Variants in ARHGAP25 observed in about 807,000 individuals in gnomAD.
ARHGAP25 encodes Rho GTPase activating protein 25, also known as rho GTPase-activating protein 25.
In ARHGAP25, 34 loss-of-function variants were observed where a neutral mutation model predicts 71.0. The observed-to-expected ratio is 0.48, with a 90% confidence interval of 0.36 to 0.64. The LOEUF (loss-of-function observed/expected upper bound fraction) is 0.64. ARHGAP25 is among the 30% of genes least tolerant of loss of function. The probability of loss-of-function intolerance (pLI) is 0.00; values close to 1 mark genes in which losing one functional copy is unlikely to be tolerated. For missense variants in ARHGAP25, 706 were observed against 805.1 expected, an observed-to-expected ratio of 0.88 and a Z score of 1.49; for synonymous variants, 282 against 296.5, an observed-to-expected ratio of 0.95 and a Z score of 0.50.
At chr2:68,809,186 C>G (rs1680594160) in intron 5 of ARHGAP25, among the ~76,000 whole-genome samples, 1 of 152,024 alleles carries the variant, frequency 6.6e-6, no homozygotes, top group South Asian at 2.1e-4. Flanking sequence ...TTCTGAAAAC[C>G]CTCTTTTCCC....
chr2:68,744,639 G>A (rs888740459), intron 1 of ARHGAP25, among the ~76,000 whole-genome samples: 2 of 152,140 alleles, frequency 1.3e-5, no homozygotes, highest in African/African-American at 4.8e-5. Flanking sequence ...TTGAGCCATA[G>A]CCCCTAGATA....
In ARHGAP25 at chr2:68,824,756, G is replaced by GA. The variant is rs111728961; in HGVS notation, c.1734-1221dup. ...GACTCCGTCTCAAAAAAAACAAAAGGAAAAAAAAAAGATGGAATGAGATCA... is the reference window on the plus strand; with the variant it reads ...GACTCCGTCTCAAAAAAAACAAAAGGAAAAAAAAAAAGATGGAATGAGATCA... On this transcript the variant is annotated intron_variant, in intron 10 of 10. Coordinates refer to ENST00000409202, the MANE Select transcript of ARHGAP25 (RefSeq NM_001007231.3). Among the ~76,000 whole-genome samples, 854 of 149,054 alleles carry GA rather than the reference G, an allele frequency of 5.7e-3. 9 individuals carry two copies. The highest frequency in any genetic ancestry group is 0.019 in the African/African-American group (778 of 40,664).
chr2:68,806,962 C>T (rs896293688), intron 4 of ARHGAP25, among the ~76,000 whole-genome samples: 18 of 152,192 alleles, frequency 1.2e-4, no homozygotes, highest in Admixed American at 4.6e-4. Context: ...TTAATACCAT[C>T]TCATGGGGTT....
At chr2:68,735,642 A>G (rs1675174477) in intron 1 of ARHGAP25, 1 of 209,644 alleles carries the variant, frequency 4.8e-6, no homozygotes, top group Non-Finnish European at 9.5e-6. Flanking sequence ...TGAAGTGCTC[A>G]ATCTGTAAGT....
chr2:68,742,721 C>A, intron 1 of ARHGAP25, among the ~76,000 whole-genome samples: 1 of 152,160 alleles, frequency 6.6e-6, no homozygotes, highest in East Asian at 1.9e-4. Flanking sequence ...TTTTGTTTGT[C>A]TTGATTAGGT....
At chr2:68,787,731 A>G in intron 3 of ARHGAP25, 109 bp from the exon 4 acceptor site, 1 of 821,730 alleles carries the variant, frequency 1.2e-6, no homozygotes, top group South Asian at 1.4e-5. Context: ...TTTGGCTGGT[A>G]GTGCTTCATT....
intron 4 of ARHGAP25, among the ~76,000 whole-genome samples, chr2:68,806,196 G>A (rs1259710046): frequency 6.6e-6 from 1 of 152,154 alleles, no homozygotes; most frequent in East Asian, 1.9e-4. Context: ...TTTGTCCTAA[G>A]GAAATAGTTC....
In ARHGAP25 at chr2:68,819,227, G is replaced by C. The variant is rs764317075; in HGVS notation, c.1108G>C (p.Asp370His). 4 of 1,614,114 alleles carry C rather than the reference G, an allele frequency of 2.5e-6. No homozygotes were observed. The South Asian group carries it at 4.4e-5, about 18-fold the overall frequency. The change falls in exon 9 of 11, where the codon GAC becomes CAC. Residue 370 changes from aspartate to histidine, a missense_variant. Asp to His is a moderately conservative substitution (Grantham distance 81). Coordinates refer to ENST00000409202, the MANE Select transcript of ARHGAP25 (RefSeq NM_001007231.3). ...CCTGTCACCCCCTGCCCAGAAAAATGACCCCAAGAAAGCTCCAGTGGCCCG... is the reference window on the plus strand; with the variant it reads ...CCTGTCACCCCCTGCCCAGAAAAATCACCCCAAGAAAGCTCCAGTGGCCCG... ...IPLSPPAQKN[D>H]PKKAPVARSS...
intron 1 of ARHGAP25, among the ~76,000 whole-genome samples, chr2:68,768,158 A>G (rs553352741): frequency 1.3e-5 from 2 of 152,250 alleles, no homozygotes; most frequent in Non-Finnish European, 2.9e-5. Context: ...TCCTGGTCTG[A>G]AAAATGAGGG....
chr2:68,779,260 T>C (rs1307697863), intron 2 of ARHGAP25, among the ~76,000 whole-genome samples: 1 of 152,164 alleles, frequency 6.6e-6, no homozygotes, highest in Non-Finnish European at 1.5e-5. Flanking sequence ...TGATGCAAGC[T>C]ACCAACATTA....
intron 1 of ARHGAP25, among the ~76,000 whole-genome samples, chr2:68,758,855 C>G (rs550228060): frequency 1.1e-4 from 16 of 151,946 alleles, no homozygotes; most frequent in Admixed American, 2.6e-4. Context: ...TATATTAGGA[C>G]ACAATTTAAG....
intron 3 of ARHGAP25, among the ~76,000 whole-genome samples, chr2:68,783,017 C>T (rs749902372): frequency 6.6e-6 from 1 of 152,218 alleles, no homozygotes; most frequent in African/African-American, 2.4e-5. Flanking sequence ...CTGTACTGAC[C>T]ACAGCGGAGG....
At position 68,790,963 on chromosome 2, in the gene ARHGAP25, C is replaced by T. The variant is rs543606150; in HGVS notation, c.466+3007C>T. 3.3e-5 allele frequency among the ~76,000 whole-genome samples: 5 copies of T among 152,314 alleles called. No individual in the cohort carries two copies. In the South Asian group the frequency reaches 1.0e-3, roughly 32 times the overall value. On this transcript the variant is annotated intron_variant, in intron 4 of 10. Transcript: ENST00000409202. Reference sequence around the variant, plus strand: ...CGTGCTCATTTCACTCTAGCTTCACCAGCCTCCTCAAACATCCTACCCGTG... The same window carrying T: ...CGTGCTCATTTCACTCTAGCTTCACTAGCCTCCTCAAACATCCTACCCGTG...
At chr2:68,722,525 CAG>C (rs1258805289) in intron 2 of ARHGAP25, among the ~76,000 whole-genome samples, 1 of 147,330 alleles carries the variant, frequency 6.8e-6, no homozygotes, top group African/African-American at 2.5e-5. Flanking sequence ...CTGCAGTAAG[CAG>C]AGATTGCACC....
intron 3 of ARHGAP25, among the ~76,000 whole-genome samples, chr2:68,784,807 C>T (rs1383357457): frequency 6.6e-6 from 1 of 152,142 alleles, no homozygotes; most frequent in Non-Finnish European, 1.5e-5. Flanking sequence ...AGCAGCAAAC[C>T]AAATATATGG....
rs748463158 is a variant in ARHGAP25 at position 68,775,282 on chromosome 2, C to T, written c.123C>T (p.Pro41=). 3 of 1,614,240 alleles carry T rather than the reference C, an allele frequency of 1.9e-6. No individual in the cohort carries two copies. Among genetic ancestry groups the T allele is most frequent in the South Asian group, 1.1e-5 (1 of 91,080 alleles). ...QMAAFHPSST[P]NPLERPIKMG... ...CTGCCTTCCATCCATCGTCCACCCC[C>T]AACCCGCTGGAGAGGCCCATCAAGA... Residue 41 remains proline, a synonymous_variant, in exon 2 of 11, where the codon CCC becomes CCT. Transcript: ENST00000409202.
In ARHGAP25 at chr2:68,775,815, T is replaced by C. The variant is rs144807856; in HGVS notation, c.261+395T>C. ...GTTTATTATATGCCACACACTGTTC[T>C]AGGTACTTGAAATAAACTATGAGCA... On this transcript the variant is annotated intron_variant, in intron 2 of 10. Transcript: ENST00000409202. 404 of 392,684 alleles carry C rather than the reference T, an allele frequency of 1.0e-3. 1 individual carries two copies. The highest frequency in any genetic ancestry group is 1.8e-3 in the Non-Finnish European group (352 of 198,970). The allele number at this position is 392,684 out of a possible 1,614,324, so 24.3% of individuals were successfully genotyped here.
Position 68,787,924 on chromosome 2 carries a change from TC to T in ARHGAP25, c.436del (p.Leu146SerfsTer63). The T allele has an allele frequency of 6.2e-7, 1 of 1,614,220 alleles. No individual in the cohort carries two copies. On this transcript the variant is annotated frameshift_variant, in exon 4 of 11. Transcript: ENST00000409202. LOFTEE classifies it high-confidence loss of function. ...SQAEMEEWVK[F>X]LRRVAGTPCG... ...GCGGAGATGGAGGAGTGGGTTAAAT[TC>T]CTCAGGAGAGTTGCTGGCACACCCT...
rs771190403 is a variant in ARHGAP25, at chr2:68,822,532, A to C, written c.1393A>C (p.Ile465Leu). Residue 465 changes from isoleucine to leucine, a missense_variant, in exon 10 of 11, where the codon ATC (isoleucine) becomes CTC (leucine). Coordinates refer to ENST00000409202, the MANE Select transcript of ARHGAP25 (RefSeq NM_001007231.3). Reference sequence around the variant, plus strand: ...GGGTGCCAACAGCAGCAAAATGGAGATCTTTAAAAATGAATTCTGGTCGCC... The same window carrying C: ...GGGTGCCAACAGCAGCAAAATGGAGCTCTTTAAAAATGAATTCTGGTCGCC... ...FQGANSSKME[I>L]FKNEFWSPSS... The C allele has an allele frequency of 1.2e-6, 2 of 1,614,072 alleles. No homozygotes were observed.
Sources: gnomAD v4.1 joint callset for allele counts (sites outside exome capture counted in the v4.1 genomes callset) on GRCh38, gnomAD v4.1.1 for gene constraint, MANE v1.5 for transcripts, NCBI Gene and HGNC (gene_info 2026-07-23, HGNC 2026-07-21) for gene names.